Variants in NAALADL2 observed in about 807,000 individuals in gnomAD.
The protein encoded by NAALADL2 is N-acetylated alpha-linked acidic dipeptidase like 2, also known as inactive N-acetylated-alpha-linked acidic dipeptidase-like protein 2.
Under a neutral mutation model 87.2 loss-of-function variants are expected in NAALADL2, and 76 were observed. That is an observed-to-expected ratio of 0.87 (90% CI 0.72 to 1.05). The LOEUF is 1.05. NAALADL2 is among the 50% of genes least tolerant of loss of function. The pLI is 0.00. For synonymous variants in NAALADL2, 354 were observed against 331.0 expected, an observed-to-expected ratio of 1.07 and a Z score of -0.75; for missense variants, 1,089 against 945.8, an observed-to-expected ratio of 1.15 and a Z score of -1.99.
intron 2 of NAALADL2, among the ~76,000 whole-genome samples, chr3:174,626,679 C>T (rs1721611340): frequency 6.6e-6 from 1 of 151,854 alleles, no homozygotes; most frequent in Non-Finnish European, 1.5e-5. Context: ...AAAGAGTATA[C>T]AGAATATTTA....
intron 1 of NAALADL2, among the ~76,000 whole-genome samples, chr3:174,946,185 G>A (rs1156483254): frequency 6.6e-6 from 1 of 150,942 alleles, no homozygotes; most frequent in African/African-American, 2.4e-5. Flanking sequence ...TCAAGAATTT[G>A]AGCTCCTAGG....
intron 5 of NAALADL2, among the ~76,000 whole-genome samples, chr3:175,375,033 A>T (rs1462696948): frequency 6.6e-6 from 1 of 152,160 alleles, no homozygotes; most frequent in African/African-American, 2.4e-5. Flanking sequence ...ATTTACTGAA[A>T]AAATCTTACT....
chr3:175,096,917 G>A lies in NAALADL2; in HGVS notation c.171G>A (p.Glu57=). Residue 57 remains glutamate (E), a synonymous_variant, in exon 2 of 14, where the codon GAG becomes GAA. Coordinates refer to ENST00000454872, the MANE Select transcript of NAALADL2 (RefSeq NM_207015.3). ...AGTGGGACATGGAGAAGGAACTAGAGGAGTCTGGTTTTGACCAATTCCAGC... is the reference window on the plus strand; with the variant it reads ...AGTGGGACATGGAGAAGGAACTAGAAGAGTCTGGTTTTGACCAATTCCAGC... ...DLEWDMEKEL[E]ESGFDQFQLD... 4 of 1,613,432 alleles carry A rather than the reference G, an allele frequency of 2.5e-6. No individual in the cohort carries two copies. The highest frequency in any genetic ancestry group is 3.4e-6 in the Non-Finnish European group (4 of 1,179,670).
At chr3:175,380,995 A>T (rs1393902397) in intron 5 of NAALADL2, among the ~76,000 whole-genome samples, 5 of 152,070 alleles carry the variant, frequency 3.3e-5, no homozygotes, top group Admixed American at 3.3e-4. Flanking sequence ...ACTGTATAAG[A>T]CATTTGTTAT....
At chr3:174,892,921 CAA>C (rs35081771) in intron 1 of NAALADL2, among the ~76,000 whole-genome samples, 28,667 of 108,198 alleles carry the variant, frequency 0.26, 2,695 homozygotes, top group Admixed American at 0.32. Flanking sequence ...GACTCCAACT[CAA>C]AAAAAAAAAA....
At chr3:175,172,144 A>G (rs1166060232) in intron 2 of NAALADL2, among the ~76,000 whole-genome samples, 3 of 152,164 alleles carry the variant, frequency 2.0e-5, no homozygotes, top group African/African-American at 7.2e-5. Flanking sequence ...ACATGTATGC[A>G]ACAAAATATC....
intron 1 of NAALADL2, among the ~76,000 whole-genome samples, chr3:174,878,927 A>G (rs1444307015): frequency 6.6e-6 from 1 of 152,058 alleles, no homozygotes; most frequent in African/African-American, 2.4e-5. Context: ...GCAGGCCTTT[A>G]TTGGCCTTGA....
chr3:175,236,314 G>T (rs1745852183), intron 3 of NAALADL2, among the ~76,000 whole-genome samples: 1 of 152,050 alleles, frequency 6.6e-6, no homozygotes, highest in Admixed American at 6.5e-5. Context: ...TGGAGGCCGA[G>T]GCGGGTGGAT....
chr3:175,262,193 T>C (rs1484334810), intron 4 of NAALADL2, among the ~76,000 whole-genome samples: 1 of 152,058 alleles, frequency 6.6e-6, no homozygotes, highest in African/African-American at 2.4e-5. Context: ...AGAAATCCTC[T>C]AGTTTTGGCA....
At chr3:175,462,138 G>A (rs142148880) in intron 6 of NAALADL2, among the ~76,000 whole-genome samples, 8 of 152,272 alleles carry the variant, frequency 5.3e-5, no homozygotes, top group Admixed American at 3.9e-4. Context: ...GGTAACAAAT[G>A]TTCCACAGTA....
In NAALADL2 at chr3:175,362,331, G is replaced by GA. The variant is rs547324640; in HGVS notation, c.1090+38007dup. ...CTCCAGCTTTGTTCTTTTGGCTTAG[G>GA]ATTGTCTTGGCAATGCGGGCTCTTT... On this transcript the variant is annotated intron_variant, in intron 5 of 13. Transcript: ENST00000454872. Among the ~76,000 whole-genome samples the GA allele has an allele frequency of 4.1e-3, 612 of 148,094 alleles. 36 individuals carry two copies. Among genetic ancestry groups the GA allele is most frequent in the African/African-American group, 0.014 (569 of 40,784 alleles).
At chr3:175,727,126 C>A (rs1404823894) in intron 11 of NAALADL2, among the ~76,000 whole-genome samples, 1 of 152,146 alleles carries the variant, frequency 6.6e-6, no homozygotes, top group Non-Finnish European at 1.5e-5. Context: ...TCCCGAGAGC[C>A]TTTGCATGAT....
rs1730397806 is a variant in NAALADL2, at chr3:175,143,977, TGAAAG to T, written c.545+46690_545+46694del. 4.2e-5 allele frequency among the ~76,000 whole-genome samples: 6 copies of T among 142,480 alleles called. No homozygotes were observed. In the South Asian group the frequency reaches 1.4e-3, roughly 34 times the overall value. The allele number at this position is 142,480 out of a possible 152,430, so 93.5% of individuals were successfully genotyped here. ...TTTTCTATCTTCATGAAAAATTGAA[TGAAAG>T]GAAGTTATTTTAAATTTCCATTAGA... On this transcript the variant is annotated intron_variant, in intron 2 of 13. Coordinates refer to ENST00000454872, the MANE Select transcript of NAALADL2 (RefSeq NM_207015.3).
chr3:175,705,016 G>A lies in NAALADL2; in HGVS notation c.1897-32290G>A, dbSNP rs377000696. On this transcript the variant is annotated intron_variant, in intron 11 of 13. Transcript: ENST00000454872. ...TGCCCCTACATTTGAAAAATGAATC[G>A]GAGCCTTGTATGGAAAGACATCCCA... is the stretch of plus-strand genomic sequence containing the variant. Among the ~76,000 whole-genome samples the A allele has an allele frequency of 1.4e-3, 215 of 152,256 alleles. 1 individual carries two copies. Among genetic ancestry groups the A allele is most frequent in the African/African-American group, 4.8e-3 (200 of 41,542 alleles).
intron 2 of NAALADL2, among the ~76,000 whole-genome samples, chr3:174,708,436 T>C (rs1396930202): frequency 6.6e-6 from 1 of 152,212 alleles, no homozygotes; most frequent in Non-Finnish European, 1.5e-5. Flanking sequence ...TATCATTTAT[T>C]CCACTTTTTA....
intron 11 of NAALADL2, among the ~76,000 whole-genome samples, chr3:175,677,626 G>C (rs889668909): frequency 4.0e-5 from 6 of 151,594 alleles, no homozygotes; most frequent in African/African-American, 1.5e-4. Flanking sequence ...CCCCTCCAGG[G>C]ACTCCTTCAT....
At chr3:174,663,210 A>G (rs1008323137) in intron 2 of NAALADL2, among the ~76,000 whole-genome samples, 1 of 152,170 alleles carries the variant, frequency 6.6e-6, no homozygotes, top group Non-Finnish European at 1.5e-5. Context: ...TTGTCCATTG[A>G]TATTATCTCA....
intron 3 of NAALADL2, among the ~76,000 whole-genome samples, chr3:174,805,391 C>CT (rs572614266): frequency 3.7e-3 from 560 of 151,788 alleles, no homozygotes; most frequent in Middle Eastern, 0.01. Flanking sequence ...GTTTTTTGTT[C>CT]TTTTTTTTGT....
At chr3:175,067,342 G>C (rs1714710009) in intron 1 of NAALADL2, among the ~76,000 whole-genome samples, 2 of 152,032 alleles carry the variant, frequency 1.3e-5, no homozygotes, top group African/African-American at 4.8e-5. Flanking sequence ...TGCAAACTAT[G>C]CATCCAACCC....
Sources: allele counts gnomAD v4.1 joint callset (sites outside exome capture counted in the v4.1 genomes callset), GRCh38; gene constraint gnomAD v4.1.1; transcripts MANE v1.5; gene names NCBI Gene and HGNC (gene_info 2026-07-23, HGNC 2026-07-21).